ERCC8: variants seen among roughly 807,000 people sequenced by gnomAD.
ERCC8 encodes ERCC excision repair 8, CSA ubiquitin ligase complex subunit.
ERCC8 carries 52 observed loss-of-function variants against 54.9 expected under a neutral mutation model. The observed-to-expected ratio is 0.95, with a 90% confidence interval of 0.76 to 1.19. The LOEUF (loss-of-function observed/expected upper bound fraction) is 1.19. Among genes scored for constraint, ERCC8 ranks in the 50% most tolerant of loss-of-function variants. ERCC8 has a pLI of 0.00. For missense variants in ERCC8, 514 were observed against 466.1 expected, an observed-to-expected ratio of 1.10 and a Z score of -0.95; for synonymous variants, 146 against 157.2, an observed-to-expected ratio of 0.93 and a Z score of 0.53.
intron 2 of ERCC8, among the ~76,000 whole-genome samples, chr5:60,926,520 C>T (rs183465230): frequency 4.4e-4 from 67 of 152,244 alleles, no homozygotes; most frequent in African/African-American, 1.4e-3. Flanking sequence ...TTTGAAGGCT[C>T]AAAAATCCAA....
chr5:60,928,486 T>C (rs1749815837), intron 2 of ERCC8, among the ~76,000 whole-genome samples: 2 of 152,216 alleles, frequency 1.3e-5, no homozygotes, highest in Admixed American at 1.3e-4. Flanking sequence ...TCTAATCTAA[T>C]TCTTCAAAAG....
In ERCC8 at chr5:60,866,991, C is replaced by T. The variant is rs1020385495; in HGVS notation, c.*7624G>A. 14 of 151,448 alleles carry T rather than the reference C, an allele frequency of 9.2e-5. No individual in the cohort carries two copies. Among genetic ancestry groups the T allele is most frequent in the African/African-American group, 2.9e-4 (12 of 41,186 alleles). The allele number at this position is 151,448 out of a possible 1,614,324, so 9.4% of individuals were successfully genotyped here. A position where few individuals can be genotyped will look rare whatever the true frequency, so the allele number is the denominator to read the frequency against. ...TCCCAAATAGCTGGGACTACAAGTG[C>T]CCGCCTAATTTTTTTTTTGTATTTT... On this transcript the variant is annotated 3_prime_UTR_variant, in exon 12 of 12. Transcript: ENST00000676185.
At chr5:60,900,846 G>A (rs1339280093) in intron 7 of ERCC8, 1 of 152,006 alleles carries the variant, frequency 6.6e-6, no homozygotes, top group Non-Finnish European at 1.5e-5. Flanking sequence ...CTTATCTGAT[G>A]AAAACCAAGT....
intron 11 of ERCC8, among the ~76,000 whole-genome samples, chr5:60,882,540 G>A (rs529887588): frequency 4.5e-4 from 69 of 152,078 alleles, no homozygotes; most frequent in African/African-American, 1.6e-3. Flanking sequence ...GACTACAGGC[G>A]CATGCCACCG....
In ERCC8 at chr5:60,899,616, T is replaced by A. The variant is rs774077463; in HGVS notation, c.718+11A>T. ...TATCATTGTCATATTTATTAATGCG[T>A]TCTTCCTTACCTGATTCAACAGCTT... On this transcript the variant is annotated intron_variant, in intron 8 of 11. Transcript: ENST00000676185. 1.9e-6 allele frequency: 3 copies of A among 1,578,354 alleles called. No homozygotes were observed. Among genetic ancestry groups the A allele is most frequent in the South Asian group, 2.2e-5 (2 of 90,358 alleles).
intron 4 of ERCC8, among the ~76,000 whole-genome samples, chr5:60,914,327 T>A (rs1749361840): frequency 6.6e-6 from 1 of 152,122 alleles, no homozygotes; most frequent in East Asian, 1.9e-4. Context: ...TTGTGATCCC[T>A]TTACCATTAT....
chr5:60,899,663 G>T lies in ERCC8; in HGVS notation c.682C>A (p.Gln228Lys). 6.2e-7 allele frequency: 1 copy of T among 1,611,992 alleles called. No individual in the cohort carries two copies. Among genetic ancestry groups the T allele is most frequent in the East Asian group, 2.2e-5 (1 of 44,760 alleles). Reference sequence around the variant, plus strand: ...GCTTGTGACTTTTTCCCATTATGTTGATCAAGAGTAATCAAACATCCTGAT... The same window carrying T: ...GCTTGTGACTTTTTCCCATTATGTTTATCAAGAGTAATCAAACATCCTGAT... ...RASGCLITLDQHNGKKSQAVE... is the reference protein window; with the variant it reads ...RASGCLITLDKHNGKKSQAVE... The change falls in exon 8 of 12, where the codon CAA becomes AAA. Residue 228 changes from glutamine to lysine, a missense_variant. Transcript: ENST00000676185.
intron 1 of ERCC8, among the ~76,000 whole-genome samples, chr5:60,939,682 G>C (rs1187567900): frequency 6.6e-6 from 1 of 152,082 alleles, no homozygotes. Context: ...TTTTAGTAGA[G>C]ATGGGGTTTT....
rs1374914088 is a variant in ERCC8 at position 60,867,185 on chromosome 5, T to C, written c.*7430A>G. On this transcript the variant is annotated 3_prime_UTR_variant, in exon 12 of 12. Coordinates refer to ENST00000676185, the MANE Select transcript of ERCC8 (RefSeq NM_000082.4). Reference sequence around the variant, plus strand: ...AAAAGAAGGAAAAAAAATATCCAAATGTATATGTTTCCTTGGTAGTGACCT... The same window carrying C: ...AAAAGAAGGAAAAAAAATATCCAAACGTATATGTTTCCTTGGTAGTGACCT... Among the ~76,000 whole-genome samples, 1 of 152,112 alleles carries C rather than the reference T, an allele frequency of 6.6e-6. No individual in the cohort carries two copies.
chr5:60,890,852 G>T, intron 10 of ERCC8, 37 bp downstream of exon 10: 3 of 1,483,230 alleles, frequency 2.0e-6, no homozygotes, highest in Non-Finnish European at 2.8e-6. Flanking sequence ...TGGCAAGCTA[G>T]CTAGCTGAAC....
intron 4 of ERCC8, among the ~76,000 whole-genome samples, chr5:60,917,252 T>C (rs1387035897): frequency 6.6e-6 from 1 of 151,628 alleles, no homozygotes; most frequent in Non-Finnish European, 1.5e-5. Flanking sequence ...AGATGTGACC[T>C]TAGGAGAAGG....
chr5:60,883,779 A>G (rs1748315081), intron 11 of ERCC8, among the ~76,000 whole-genome samples: 1 of 152,230 alleles, frequency 6.6e-6, no homozygotes, highest in South Asian at 2.1e-4. Context: ...CAGGCAGGAA[A>G]AAGTAATTAG....
chr5:60,905,765 C>A (rs763490257), intron 4 of ERCC8, among the ~76,000 whole-genome samples: 1 of 152,172 alleles, frequency 6.6e-6, no homozygotes, highest in Non-Finnish European at 1.5e-5. Flanking sequence ...TTAACTGATG[C>A]AAGGCTGGCC....
chr5:60,867,007 T>G lies in ERCC8; in HGVS notation c.*7608A>C, dbSNP rs1168402583. Reference sequence around the variant, plus strand: ...CTACAAGTGCCCGCCTAATTTTTTTTTTGTATTTTTAGTAAAGACGGGGTT... The same window carrying G: ...CTACAAGTGCCCGCCTAATTTTTTTGTTGTATTTTTAGTAAAGACGGGGTT... On this transcript the variant is annotated 3_prime_UTR_variant, in exon 12 of 12. Transcript: ENST00000676185. The G allele has an allele frequency of 6.6e-6, 1 of 151,782 alleles. No homozygotes were observed. Among genetic ancestry groups the G allele is most frequent in the Non-Finnish European group, 1.5e-5 (1 of 67,984 alleles). The allele number at this position is 151,782 out of a possible 1,614,324, so 9.4% of individuals were successfully genotyped here. A position where few individuals can be genotyped will look rare whatever the true frequency, so the allele number is the denominator to read the frequency against.
At chr5:60,938,350 A>ATTTTTTTTTTTTTT (rs1231887020) in intron 1 of ERCC8, among the ~76,000 whole-genome samples, 3 of 41,040 alleles carry the variant, frequency 7.3e-5, no homozygotes, top group African/African-American at 1.1e-4. Context: ...ACCTTTTTGA[A>ATTTTTTTTTTTTTT]TTTTTTTTTT....
At chr5:60,920,624 T>C (rs925688097) in intron 3 of ERCC8, among the ~76,000 whole-genome samples, 2 of 151,948 alleles carry the variant, frequency 1.3e-5, no homozygotes, top group African/African-American at 2.4e-5. Flanking sequence ...ATCCTTCAGA[T>C]GTATAAAATG....
intron 1 of ERCC8, 52 bp from the exon 2 acceptor site, chr5:60,929,011 A>C (rs920689628): frequency 1.8e-6 from 2 of 1,122,720 alleles, no homozygotes; most frequent in Admixed American, 1.7e-5. Flanking sequence ...AACATTTAAA[A>C]ATTTCTTATT....
intron 1 of ERCC8, among the ~76,000 whole-genome samples, chr5:60,944,286 G>T (rs1311607836): frequency 6.6e-6 from 1 of 152,008 alleles, no homozygotes; most frequent in Non-Finnish European, 1.5e-5. Flanking sequence ...CTCTCTCCCG[G>T]ACAAGTGTAA....
intron 6 of ERCC8, 97 bp from the exon 7 acceptor site, chr5:60,902,605 A>T (rs1222705844): frequency 1.1e-6 from 1 of 913,268 alleles, no homozygotes; most frequent in Non-Finnish European, 1.8e-6. Flanking sequence ...AAGTGAGGCC[A>T]AATATTCAAT....
Sources: gnomAD v4.1 joint callset for allele counts (sites outside exome capture counted in the v4.1 genomes callset) on GRCh38, gnomAD v4.1.1 for gene constraint, MANE v1.5 for transcripts, NCBI Gene and HGNC (gene_info 2026-07-23, HGNC 2026-07-21) for gene names.